The following NECTIN2 variants were observed in gnomAD, a reference collection of about 807,000 sequenced individuals.
The protein encoded by NECTIN2 is nectin-2.
A neutral mutation model predicts 56.9 loss-of-function variants in NECTIN2; 23 were observed. That is an observed-to-expected ratio of 0.40 (90% CI 0.29 to 0.57). NECTIN2 has a LOEUF of 0.57. Ranked by LOEUF, NECTIN2 falls within the 20% of genes least tolerant of loss-of-function variation. The pLI, the probability that NECTIN2 is intolerant of heterozygous loss-of-function variation, is 0.38. For missense variants in NECTIN2, 587 were observed against 718.3 expected (o/e 0.82, Z 2.09); for synonymous variants, 302 against 313.8 (o/e 0.96, Z 0.40).
rs1024329304 is a variant in NECTIN2, at chr19:44,875,558, G to T, written c.1042+1080G>T. On this transcript the variant is annotated intron_variant, in intron 5 of 8. Transcript: ENST00000252483. This position sits in a 1 kb window ranked among gnomAD's most constrained non-coding sequence, Gnocchi z 4.2. ...TGGGATTATATGCATGAGCCACTGC[G>T]CCTGGCCAGAAAAAGACATTCTTAG... Among the ~76,000 whole-genome samples, 2 of 152,186 alleles carry T rather than the reference G, an allele frequency of 1.3e-5. No homozygotes were observed. Among genetic ancestry groups the T allele is most frequent in the African/African-American group, 2.4e-5 (1 of 41,454 alleles).
Position 44,872,147 on chromosome 19 carries a change from G to T in NECTIN2, c.773G>T (p.Arg258Leu), listed in dbSNP as rs748572069. ...PALIPVTLSV[R>L]YPPEVSISGY... is the part of the protein sequence containing the mutation. ...CTGATACCTGTGACCCTCTCTGTACGCTGTGAGTGTATCGGGGGTGACCCC... is the reference window on the plus strand; with the variant it reads ...CTGATACCTGTGACCCTCTCTGTACTCTGTGAGTGTATCGGGGGTGACCCC... Residue 258 changes from arginine to leucine, a missense_variant and splice_region_variant, in exon 3 of 9, where the codon CGC becomes CTC. Physicochemically the swap from Arg to Leu is moderately radical, Grantham distance 102. Coordinates refer to ENST00000252483, the MANE Select transcript of NECTIN2 (RefSeq NM_001042724.2). The T allele has an allele frequency of 1.3e-5, 21 of 1,611,452 alleles. No individual in the cohort carries two copies. The South Asian group carries it at 2.0e-4, about 15-fold the overall frequency.
chr19:44,884,865 A>G (rs575539735), intron 6 of NECTIN2, among the ~76,000 whole-genome samples: 1 of 152,314 alleles, frequency 6.6e-6, no homozygotes, highest in Non-Finnish European at 1.5e-5. Context: ...CTTTAACCTA[A>G]TTTGAGGGAC....
chr19:44,884,266 A>G (rs1378419020), intron 6 of NECTIN2, among the ~76,000 whole-genome samples: 11 of 152,146 alleles, frequency 7.2e-5, no homozygotes, highest in African/African-American at 2.4e-4. Context: ...AGCTCAACCA[A>G]TCTTCCTACC....
chr19:44,872,233 G>A (rs1044170552), intron 3 of NECTIN2, 84 bp downstream of exon 3: 41 of 1,488,744 alleles, frequency 2.8e-5, no homozygotes, highest in East Asian at 1.4e-4. Flanking sequence ...GTCTCTGAAT[G>A]TTGTCTACGT....
At chr19:44,881,876 C>T (rs1219105335) in intron 5 of NECTIN2, among the ~76,000 whole-genome samples, 1 of 152,192 alleles carries the variant, frequency 6.6e-6, no homozygotes, top group South Asian at 2.1e-4. Context: ...CTATCACTTC[C>T]GCACTGTATA....
At chr19:44,882,447 T>C in intron 6 of NECTIN2, 83 bp downstream of exon 6, 1 of 1,228,966 alleles carries the variant, frequency 8.1e-7, no homozygotes, top group Non-Finnish European at 1.0e-6. Flanking sequence ...TGGGAGAAAA[T>C]TCTCCATAAT....
intron 8 of NECTIN2, among the ~76,000 whole-genome samples, chr19:44,886,877 T>C (rs1043030164): frequency 3.3e-5 from 5 of 151,598 alleles, no homozygotes; most frequent in Non-Finnish European, 5.9e-5. Context: ...CAGCAACATT[T>C]TGCGTCTACA....
At chr19:44,886,331 G>A in intron 8 of NECTIN2, 112 bp downstream of exon 8, 1 of 844,030 alleles carries the variant, frequency 1.2e-6, no homozygotes, top group Non-Finnish European at 1.9e-6. Flanking sequence ...GGTCAAGGGT[G>A]TGTCCCCGGT....
intron 2 of NECTIN2, among the ~76,000 whole-genome samples, chr19:44,870,116 G>C (rs1969155344): frequency 6.6e-6 from 1 of 152,158 alleles, no homozygotes; most frequent in East Asian, 1.9e-4. Flanking sequence ...TGACGAAGTG[G>C]GGCTTGGAGT....
Position 44,886,224 on chromosome 19 carries a change from G to A in NECTIN2, c.1347+5G>A, listed in dbSNP as rs1184142710. 6.2e-6 allele frequency: 10 copies of A among 1,607,048 alleles called. No homozygotes were observed. In the South Asian group the frequency reaches 1.1e-4, roughly 18 times the overall value. ...GGCGCCTCATGCACTGAGCAGGTAG[G>A]AGCTCATGGGAAGACAAAGGTGGGT... On this transcript the variant is annotated splice_donor_5th_base_variant and intron_variant, in intron 8 of 8. Coordinates refer to ENST00000252483, the MANE Select transcript of NECTIN2 (RefSeq NM_001042724.2).
intron 6 of NECTIN2, among the ~76,000 whole-genome samples, chr19:44,884,178 T>C (rs1471761661): frequency 6.6e-6 from 1 of 152,130 alleles, no homozygotes; most frequent in Admixed American, 6.6e-5. Flanking sequence ...ATTTGTTTTT[T>C]TGAGACAGGA....
At chr19:44,886,871 A>G (rs1969367211) in intron 8 of NECTIN2, among the ~76,000 whole-genome samples, 1 of 152,082 alleles carries the variant, frequency 6.6e-6, no homozygotes, top group African/African-American at 2.4e-5. Context: ...GCTACCCAGC[A>G]ACATTTTGCG....
At chr19:44,860,700 G>A (rs1969022000) in intron 1 of NECTIN2, among the ~76,000 whole-genome samples, 1 of 151,434 alleles carries the variant, frequency 6.6e-6, no homozygotes, top group Non-Finnish European at 1.5e-5. Context: ...GCAGAGGCGC[G>A]ATCTCGGCTC....
chr19:44,874,014 A>T lies in NECTIN2; in HGVS notation c.874A>T (p.Thr292Ser). 1 of 1,613,432 alleles carries T rather than the reference A, an allele frequency of 6.2e-7. No individual in the cohort carries two copies. Among genetic ancestry groups the T allele is most frequent in the South Asian group, 1.1e-5 (1 of 91,060 alleles). The part of the protein sequence containing the change: ...SCDVRSNPEP[T>S]GYDWSTTSGT... ...TGACGTCCGCAGCAACCCAGAGCCC[A>T]CGGGCTATGACTGGAGCACGTGAGT... The change falls in exon 4 of 9, where the codon ACG becomes TCG. Residue 292 changes from threonine (T) to serine (S), a missense_variant. Transcript: ENST00000252483. This position sits in a 1 kb window ranked among gnomAD's most constrained non-coding sequence, Gnocchi z 6.3.
chr19:44,850,090 T>C (rs1968882866), intron 1 of NECTIN2, among the ~76,000 whole-genome samples: 1 of 152,160 alleles, frequency 6.6e-6, no homozygotes, highest in Non-Finnish European at 1.5e-5. Flanking sequence ...ATTCCAGCAC[T>C]TTGGGAGGCT....
chr19:44,869,619 A>G (rs1422901939), intron 2 of NECTIN2, among the ~76,000 whole-genome samples: 2 of 151,464 alleles, frequency 1.3e-5, no homozygotes, highest in African/African-American at 4.9e-5. Context: ...AGAAAAGAAA[A>G]TATGATTAAG....
At chr19:44,881,522 TCAA>T (rs1568599439) in intron 5 of NECTIN2, among the ~76,000 whole-genome samples, 4 of 121,032 alleles carry the variant, frequency 3.3e-5, no homozygotes, top group Non-Finnish European at 3.5e-5. Flanking sequence ...ACAAAAAAAT[TCAA>T]AAAAAAAAAA....
chr19:44,867,570 G>A (rs926625822), intron 2 of NECTIN2, among the ~76,000 whole-genome samples: 1 of 152,206 alleles, frequency 6.6e-6, no homozygotes. Flanking sequence ...GATAGGATGT[G>A]CAGGGAAGGC....
chr19:44,876,480 C>A (rs1378601306), intron 5 of NECTIN2, among the ~76,000 whole-genome samples: 1 of 152,184 alleles, frequency 6.6e-6, no homozygotes, highest in African/African-American at 2.4e-5. Flanking sequence ...TACAAAGACA[C>A]GTGCCTTCAG....
Sources: gnomAD v4.1 joint callset for allele counts (sites outside exome capture counted in the v4.1 genomes callset) on GRCh38, gnomAD v4.1.1 for gene constraint, Gnocchi (gnomAD v3.1) non-coding constraint, MANE v1.5 for transcripts, NCBI Gene and HGNC (gene_info 2026-07-23, HGNC 2026-07-21) for gene names.